SMYD3: variants seen among roughly 807,000 people sequenced by gnomAD.
SMYD3 encodes histone-lysine N-methyltransferase SMYD3.
In SMYD3, 36 loss-of-function variants were observed where a neutral mutation model predicts 57.7. The ratio of observed to expected loss-of-function variants is 0.62; its 90% CI spans 0.48 to 0.82. The LOEUF is 0.82. SMYD3 is among the 40% of genes least tolerant of loss of function. The pLI, the probability that SMYD3 is intolerant of heterozygous loss-of-function variation, is 0.00. For synonymous variants in SMYD3, 211 were observed against 195.0 expected (o/e 1.08, Z -0.68); for missense variants, 515 against 538.8 (o/e 0.96, Z 0.44).
chr1:246,276,695 G>A (rs895880913), intron 5 of SMYD3, among the ~76,000 whole-genome samples: 3 of 150,566 alleles, frequency 2.0e-5, no homozygotes, highest in Non-Finnish European at 2.9e-5. Context: ...TTCACTAGCC[G>A]TATTAACACT....
chr1:245,862,910 A>C lies in SMYD3; in HGVS notation c.901+889T>G, dbSNP rs557360173. Reference sequence around the variant, plus strand: ...AGATTCTTTACCCAAGACTGCTAATAAACTCAGTGGGCTATTGATTCAAAA... The same window carrying C: ...AGATTCTTTACCCAAGACTGCTAATCAACTCAGTGGGCTATTGATTCAAAA... On this transcript the variant is annotated intron_variant, in intron 9 of 11. Coordinates refer to ENST00000490107, the MANE Select transcript of SMYD3 (RefSeq NM_001167740.2). Among the ~76,000 whole-genome samples, 68 of 152,312 alleles carry C rather than the reference A, an allele frequency of 4.5e-4. 1 individual carries two copies. The South Asian group carries it at 0.014, about 31-fold the overall frequency.
At chr1:246,341,730 A>G (rs530935488) in intron 2 of SMYD3, among the ~76,000 whole-genome samples, 2 of 152,316 alleles carry the variant, frequency 1.3e-5, no homozygotes, top group East Asian at 3.9e-4. Context: ...CATTTGCACT[A>G]TTATCATATT....
intron 5 of SMYD3, among the ~76,000 whole-genome samples, chr1:246,247,517 T>TATATAC (rs1246849132): frequency 3.3e-5 from 5 of 149,564 alleles, no homozygotes; most frequent in Non-Finnish European, 3.0e-5. Context: ...TATATATATA[T>TATATAC]ACACACGAGT....
At chr1:245,993,413 AAAG>A (rs1387179485) in intron 5 of SMYD3, among the ~76,000 whole-genome samples, 1 of 152,138 alleles carries the variant, frequency 6.6e-6, no homozygotes, top group Admixed American at 6.5e-5. Flanking sequence ...CTAAACTTTA[AAAG>A]AAGAAACCAC....
chr1:246,211,408 A>G (rs1366294315), intron 5 of SMYD3, among the ~76,000 whole-genome samples: 6 of 152,146 alleles, frequency 3.9e-5, no homozygotes, highest in Non-Finnish European at 8.8e-5. Flanking sequence ...TACACATCTC[A>G]CATCTCTGTT....
intron 5 of SMYD3, among the ~76,000 whole-genome samples, chr1:245,961,081 A>C (rs1311184920): frequency 6.6e-6 from 1 of 152,224 alleles, no homozygotes; most frequent in Non-Finnish European, 1.5e-5. Context: ...AGAGTCAGAC[A>C]AGGTTTAAAT....
At chr1:246,367,925 C>T (rs1294304971) in intron 1 of SMYD3, among the ~76,000 whole-genome samples, 6 of 151,994 alleles carry the variant, frequency 3.9e-5, no homozygotes, top group Admixed American at 1.3e-4. Flanking sequence ...AAAAGGAATC[C>T]CCTATCACTT....
At chr1:246,135,455 T>C (rs1229589557) in intron 5 of SMYD3, among the ~76,000 whole-genome samples, 1 of 152,120 alleles carries the variant, frequency 6.6e-6, no homozygotes, top group Non-Finnish European at 1.5e-5. Flanking sequence ...ATGCGTCAAA[T>C]TATTCCAAAC....
chr1:246,360,536 C>T (rs1040775137), intron 1 of SMYD3, among the ~76,000 whole-genome samples: 1 of 152,164 alleles, frequency 6.6e-6, no homozygotes, highest in East Asian at 1.9e-4. Context: ...GGAGGCATCA[C>T]ATTATCCAAC....
intron 5 of SMYD3, among the ~76,000 whole-genome samples, chr1:246,297,491 C>T (rs2064818156): frequency 6.6e-6 from 1 of 152,076 alleles, no homozygotes; most frequent in African/African-American, 2.4e-5. Flanking sequence ...GTCTTATATT[C>T]TAAGATCAAG....
At chr1:246,210,462 C>A (rs1049189081) in intron 5 of SMYD3, among the ~76,000 whole-genome samples, 4 of 151,978 alleles carry the variant, frequency 2.6e-5, no homozygotes, top group Admixed American at 6.6e-5. Context: ...GGCTCTACAG[C>A]ACTTTGGGAG....
intron 5 of SMYD3, among the ~76,000 whole-genome samples, chr1:246,307,567 C>T (rs982763681): frequency 2.4e-4 from 37 of 151,432 alleles, no homozygotes; most frequent in Non-Finnish European, 4.9e-4. Context: ...CTACAGGCGC[C>T]CGCCACCACG....
In SMYD3 at chr1:245,806,239, C is replaced by A. The variant is rs186512207; in HGVS notation, c.1077-42090G>T. On this transcript the variant is annotated intron_variant, in intron 10 of 11. Transcript: ENST00000490107. Reference sequence around the variant, plus strand: ...AGTGGGGATGCAGAATTAAAATATACCAGAAGTAAAAAAGAGAAATGCTGA... The same window carrying A: ...AGTGGGGATGCAGAATTAAAATATAACAGAAGTAAAAAAGAGAAATGCTGA... Among the ~76,000 whole-genome samples, 576 of 152,208 alleles carry A rather than the reference C, an allele frequency of 3.8e-3. 4 individuals carry two copies. The highest frequency in any genetic ancestry group is 6.0e-3 in the Non-Finnish European group (405 of 68,000).
intron 5 of SMYD3, among the ~76,000 whole-genome samples, chr1:246,223,952 G>T (rs2063291195): frequency 6.6e-6 from 1 of 152,078 alleles, no homozygotes; most frequent in Non-Finnish European, 1.5e-5. Context: ...AAACTAAAAA[G>T]AACTGAAGGA....
intron 1 of SMYD3, among the ~76,000 whole-genome samples, chr1:246,369,008 T>C (rs1041656488): frequency 2.6e-5 from 4 of 152,216 alleles, no homozygotes; most frequent in African/African-American, 9.6e-5. Flanking sequence ...TCTAGAGAAA[T>C]CTGACTAATA....
rs2062628879 is a variant in SMYD3, at chr1:246,185,713, G to A, written c.531+141488C>T. ...CCTGATTTCGTGATCACCCGCCTCG[G>A]CCTCCCAAAGTGCTGGGATTACAGG... On this transcript the variant is annotated intron_variant, in intron 5 of 11. Coordinates refer to ENST00000490107, the MANE Select transcript of SMYD3 (RefSeq NM_001167740.2). 2.6e-5 allele frequency among the ~76,000 whole-genome samples: 4 copies of A among 152,096 alleles called. No individual in the cohort carries two copies. In the South Asian group the frequency reaches 8.3e-4, roughly 31 times the overall value.
Position 245,858,631 on chromosome 1 carries a change from C to G in SMYD3, c.941G>C (p.Ser314Thr), listed in dbSNP as rs779288807. Residue 314 changes from serine to threonine, a missense_variant, in exon 10 of 12, where the codon AGC (serine) becomes ACC (threonine). Coordinates refer to ENST00000490107, the MANE Select transcript of SMYD3 (RefSeq NM_001167740.2). Reference sequence around the variant, plus strand: ...ATCGGGAAGCCGTTCAGAATTGCTGCTTATGATTGCCTGGCACATGGCCAG... The same window carrying G: ...ATCGGGAAGCCGTTCAGAATTGCTGGTTATGATTGCCTGGCACATGGCCAG... ...QVLAMCQAII[S>T]SNSERLPDIN... 6.2e-7 allele frequency: 1 copy of G among 1,614,222 alleles called. No individual in the cohort carries two copies.
intron 5 of SMYD3, among the ~76,000 whole-genome samples, chr1:246,180,782 A>G (rs1231224730): frequency 6.8e-6 from 1 of 147,618 alleles, no homozygotes; most frequent in African/African-American, 2.5e-5. Context: ...AAAAAAAAAA[A>G]AAAAAAAAAA....
At chr1:245,934,268 G>A (rs542379388) in intron 5 of SMYD3, among the ~76,000 whole-genome samples, 20 of 152,300 alleles carry the variant, frequency 1.3e-4, no homozygotes, top group Admixed American at 2.6e-4. Flanking sequence ...GGAAGAGTTG[G>A]CAGGTACGAA....
Sources: gnomAD v4.1 joint callset for allele counts (sites outside exome capture counted in the v4.1 genomes callset) on GRCh38, gnomAD v4.1.1 for gene constraint, MANE v1.5 for transcripts, NCBI Gene and HGNC (gene_info 2026-07-23, HGNC 2026-07-21) for gene names.